ADGRD1: variants seen among roughly 807,000 people sequenced by gnomAD.
ADGRD1 encodes G-protein coupled receptor 133.
ADGRD1 carries 77 observed loss-of-function variants against 113.4 expected under a neutral mutation model. The ratio of observed to expected loss-of-function variants is 0.68; its 90% CI spans 0.57 to 0.82. The LOEUF is 0.82. ADGRD1 is among the 40% of genes least tolerant of loss of function. The pLI, the probability that ADGRD1 is intolerant of heterozygous loss-of-function variation, is 0.00. For synonymous variants in ADGRD1, 474 were observed against 475.0 expected (o/e 1.00, Z 0.03); for missense variants, 1,036 against 1,139.1 (o/e 0.91, Z 1.30).
chr12:131,083,584 G>A (rs1453829724), intron 14 of ADGRD1, among the ~76,000 whole-genome samples: 1 of 152,174 alleles, frequency 6.6e-6, no homozygotes, highest in Non-Finnish European at 1.5e-5. Flanking sequence ...TCCAGCCTGC[G>A]AAACAGATTG....
intron 13 of ADGRD1, among the ~76,000 whole-genome samples, chr12:131,063,824 A>C (rs1884520610): frequency 6.6e-6 from 1 of 152,226 alleles, no homozygotes; most frequent in Non-Finnish European, 1.5e-5. Context: ...GTCTACAAAA[A>C]TTCTTGCTGG....
intron 8 of ADGRD1, 105 bp from the exon 9 acceptor site, chr12:131,000,278 C>G: frequency 1.2e-6 from 1 of 828,630 alleles, no homozygotes; most frequent in Non-Finnish European, 2.1e-6. Flanking sequence ...TAAAACTGAA[C>G]TGGTGGTTGA....
chr12:131,017,840 TGCACACACACCCAGCACAG>T (rs1878807090), intron 13 of ADGRD1, among the ~76,000 whole-genome samples: 1 of 143,040 alleles, frequency 7.0e-6, no homozygotes, highest in African/African-American at 2.7e-5. Flanking sequence ...ACACACTCAG[TGCACACACACCCAGCACAG>T]GCACACACAC....
intron 8 of ADGRD1, among the ~76,000 whole-genome samples, chr12:130,997,003 CG>C (rs1454526437): frequency 1.8e-5 from 2 of 113,812 alleles, no homozygotes; most frequent in African/African-American, 3.6e-5. Flanking sequence ...GCTGGCCAGG[CG>C]GGGGGCTGAC....
chr12:131,083,369 A>T (rs1443692144), intron 14 of ADGRD1, among the ~76,000 whole-genome samples: 1 of 152,086 alleles, frequency 6.6e-6, no homozygotes, highest in Non-Finnish European at 1.5e-5. Flanking sequence ...TGGGAGGCTG[A>T]GGCAGGAAGG....
At chr12:131,133,351 C>T (rs759991050) in intron 21 of ADGRD1, among the ~76,000 whole-genome samples, 1 of 152,246 alleles carries the variant, frequency 6.6e-6, no homozygotes, top group Non-Finnish European at 1.5e-5. Flanking sequence ...TCCATCTCTA[C>T]CCCACTGCGC....
intron 13 of ADGRD1, among the ~76,000 whole-genome samples, chr12:131,042,689 C>T (rs1459888815): frequency 6.6e-6 from 1 of 152,340 alleles, no homozygotes; most frequent in Non-Finnish European, 1.5e-5. Flanking sequence ...CTCTGTCTGT[C>T]GCAGCCCAGG....
intron 17 of ADGRD1, among the ~76,000 whole-genome samples, chr12:131,107,170 T>C (rs55644529): frequency 9.6e-3 from 1,010 of 105,580 alleles, no homozygotes; most frequent in Middle Eastern, 0.056. Context: ...GGGTCCCGCT[T>C]TCCCAGAGAC....
chr12:130,954,514 T>G lies in ADGRD1; in HGVS notation c.49T>G (p.Phe17Val), dbSNP rs751085410. ...LCCWYSWLLL[F>V]YYNFQVRGVY... ...CTGCTGGTACTCCTGGCTGCTGCTA[T>G]TTTATTACAACTTTCAGGTAATGTC... The change falls in exon 1 of 25, where the codon TTT becomes GTT. Residue 17 changes from phenylalanine (F) to valine (V), a missense_variant. Physicochemically the swap from Phe to Val is conservative, Grantham distance 50 (BLOSUM62 -1). Coordinates refer to ENST00000261654, the MANE Select transcript of ADGRD1 (RefSeq NM_198827.5). The surrounding 1 kb of genome is among the most constrained non-coding windows in gnomAD (Gnocchi z 4.7). 6.2e-7 allele frequency: 1 copy of G among 1,602,532 alleles called. No homozygotes were observed. The highest frequency in any genetic ancestry group is 8.5e-7 in the Non-Finnish European group (1 of 1,172,794).
chr12:131,050,984 C>T lies in ADGRD1; in HGVS notation c.1474-25817C>T, dbSNP rs990459180. On this transcript the variant is annotated intron_variant, in intron 13 of 24. Coordinates refer to ENST00000261654, the MANE Select transcript of ADGRD1 (RefSeq NM_198827.5). This position sits in a 1 kb window ranked among gnomAD's most constrained non-coding sequence, Gnocchi z 4.8. ...GGTTCCTAACAGGCCACGGGCTGGTCCCGGTTCACGGCCCGGGTGTTGGGA... is the reference window on the plus strand; with the variant it reads ...GGTTCCTAACAGGCCACGGGCTGGTTCCGGTTCACGGCCCGGGTGTTGGGA... Among the ~76,000 whole-genome samples the T allele has an allele frequency of 6.6e-6, 1 of 152,192 alleles. No individual in the cohort carries two copies. Among genetic ancestry groups the T allele is most frequent in the African/African-American group, 2.4e-5 (1 of 41,442 alleles).
intron 20 of ADGRD1, 65 bp from the exon 21 acceptor site, chr12:131,131,660 G>A (rs1380452693): frequency 1.5e-5 from 17 of 1,163,922 alleles, no homozygotes; most frequent in South Asian, 6.3e-5. Context: ...GTGGCCAGGC[G>A]GACGCAGCTC....
Position 131,080,315 on chromosome 12 carries a change from GT to G in ADGRD1, c.1547+3448del, listed in dbSNP as rs1246819989. 4.6e-5 allele frequency among the ~76,000 whole-genome samples: 7 copies of G among 152,136 alleles called. No homozygotes were observed. The South Asian group carries it at 1.2e-3, about 27-fold the overall frequency. Reference sequence around the variant, plus strand: ...GCTTTCTGCTGTTGATTTGTAAATAGTTTTTTTATGATCAGAAAATATTCTT... The same window carrying G: ...GCTTTCTGCTGTTGATTTGTAAATAGTTTTTTATGATCAGAAAATATTCTT... On this transcript the variant is annotated intron_variant, in intron 14 of 24. Coordinates refer to ENST00000261654, the MANE Select transcript of ADGRD1 (RefSeq NM_198827.5).
In ADGRD1 at chr12:131,131,831, G is replaced by A. The variant is rs748580347; in HGVS notation, c.2267+15G>A. ...AGTGCCTTCAAGTAAGTTGACCTCA[G>A]GCTGCCAGCAGTGCCACGGCCCTTC... is the stretch of plus-strand genomic sequence containing the variant. On this transcript the variant is annotated intron_variant, in intron 21 of 24. Coordinates refer to ENST00000261654, the MANE Select transcript of ADGRD1 (RefSeq NM_198827.5). 40 of 1,560,924 alleles carry A rather than the reference G, an allele frequency of 2.6e-5. 1 individual carries two copies. In the South Asian group the frequency reaches 4.2e-4, roughly 16 times the overall value.
Position 130,984,066 on chromosome 12 carries a change from G to A in ADGRD1, c.490+2003G>A, listed in dbSNP as rs144077181. Among the ~76,000 whole-genome samples, 232 of 152,274 alleles carry A rather than the reference G, an allele frequency of 1.5e-3. 1 individual carries two copies. Among genetic ancestry groups the A allele is most frequent in the Non-Finnish European group, 2.6e-3 (177 of 68,026 alleles). On this transcript the variant is annotated intron_variant, in intron 5 of 24. Coordinates refer to ENST00000261654, the MANE Select transcript of ADGRD1 (RefSeq NM_198827.5). The surrounding 1 kb of genome is among the most constrained non-coding windows in gnomAD (Gnocchi z 4.1). Reference sequence around the variant, plus strand: ...ACTCCCATGTTGGTTAACATTATACGCCCTCGCTTAGAGCACAGGCTGATG... The same window carrying A: ...ACTCCCATGTTGGTTAACATTATACACCCTCGCTTAGAGCACAGGCTGATG...
chr12:131,033,107 G>A (rs897655544), intron 13 of ADGRD1, among the ~76,000 whole-genome samples: 2 of 152,240 alleles, frequency 1.3e-5, no homozygotes, highest in South Asian at 4.1e-4. Context: ...TTCATGGCTC[G>A]TGCCAGGCAG....
intron 15 of ADGRD1, among the ~76,000 whole-genome samples, chr12:131,104,071 A>G (rs578243157): frequency 4.0e-4 from 61 of 152,304 alleles, no homozygotes; most frequent in African/African-American, 1.4e-3. Flanking sequence ...GCAGCCGCTT[A>G]ATCCCCAGGT....
At chr12:130,964,088 T>C (rs150942481) in intron 2 of ADGRD1, among the ~76,000 whole-genome samples, 1 of 152,154 alleles carries the variant, frequency 6.6e-6, no homozygotes, top group African/African-American at 2.4e-5. Flanking sequence ...TATTTGATTA[T>C]CTCCTTTGCC....
At chr12:131,085,370 C>A (rs548692531) in intron 15 of ADGRD1, among the ~76,000 whole-genome samples, 1 of 152,218 alleles carries the variant, frequency 6.6e-6, no homozygotes, top group South Asian at 2.1e-4. Flanking sequence ...CAGGAAGGGG[C>A]TTGGCATGGC....
chr12:131,047,954 GC>G (rs1310079721), intron 13 of ADGRD1, among the ~76,000 whole-genome samples: 1 of 152,232 alleles, frequency 6.6e-6, no homozygotes, highest in Non-Finnish European at 1.5e-5. Context: ...CCAGGATGGG[GC>G]TCTGCCAGTC....
Sources: allele counts gnomAD v4.1 joint callset (sites outside exome capture counted in the v4.1 genomes callset), GRCh38; gene constraint gnomAD v4.1.1; non-coding constraint Gnocchi (gnomAD v3.1); transcripts MANE v1.5; gene names NCBI Gene and HGNC (gene_info 2026-07-23, HGNC 2026-07-21).